Variants in HMCN1 observed in about 807,000 individuals in gnomAD.
HMCN1 encodes the protein hemicentin-1.
In HMCN1, 321 loss-of-function variants were observed where a neutral mutation model predicts 625.9. That is an observed-to-expected ratio of 0.51 (90% CI 0.47 to 0.56). The LOEUF (loss-of-function observed/expected upper bound fraction) is 0.56, where lower values mean the gene tolerates loss of function less well. Among genes scored for constraint, HMCN1 ranks in the 20% least tolerant of loss-of-function variants. HMCN1 has a pLI of 0.00. For missense variants in HMCN1, 6,588 were observed against 6,887.3 expected (o/e 0.96, Z 1.54); for synonymous variants, 2,425 against 2,417.6 (o/e 1.00, Z -0.09).
At position 186,065,271 on chromosome 1, in the gene HMCN1, A is replaced by T. The variant is rs938136692; in HGVS notation, c.7547A>T (p.Asp2516Val). ...GTGCCAGAAATTACATGGCACAAAGATGGGCAGCCCCTCCAAGAAGATGAA... is the reference window on the plus strand; with the variant it reads ...GTGCCAGAAATTACATGGCACAAAGTTGGGCAGCCCCTCCAAGAAGATGAA... Reference protein sequence around the residue: ...NPVPEITWHKDGQPLQEDEAH... With the variant: ...NPVPEITWHKVGQPLQEDEAH... The change falls in exon 49 of 107, where the codon GAT becomes GTT. Residue 2516 changes from aspartate to valine, a missense_variant. This residue lies in a region of HMCN1 where 4,628 missense variants were observed against 4,853.1 expected (regional missense o/e 0.95). Coordinates refer to ENST00000271588, the MANE Select transcript of HMCN1 (RefSeq NM_031935.3). The T allele has an allele frequency of 9.9e-6, 16 of 1,612,516 alleles. No individual in the cohort carries two copies. In the African/African-American group the frequency reaches 1.7e-4, roughly 17 times the overall value.
Position 186,093,204 on chromosome 1 carries a change from G to A in HMCN1, c.9958G>A (p.Val3320Ile). ...ATCTGACACGGGGAAATACACATGTGTTGCTACTAATCCCGCTGGAGAAGA... is the reference window on the plus strand; with the variant it reads ...ATCTGACACGGGGAAATACACATGTATTGCTACTAATCCCGCTGGAGAAGA... ...LTSDTGKYTC[V>I]ATNPAGEEDR... Residue 3320 changes from valine (V) to isoleucine (I), a missense_variant, in exon 65 of 107, where the codon GTT (valine) becomes ATT (isoleucine). Val to Ile is a conservative substitution (Grantham distance 29). This residue lies in a region of HMCN1 where 4,628 missense variants were observed against 4,853.1 expected (regional missense o/e 0.95). Transcript: ENST00000271588. 4 of 1,613,276 alleles carry A rather than the reference G, an allele frequency of 2.5e-6. No individual in the cohort carries two copies. The highest frequency in any genetic ancestry group is 3.4e-6 in the Non-Finnish European group (4 of 1,179,546).
In HMCN1 at chr1:186,145,923, G is replaced by C. The variant is rs746204961; in HGVS notation, c.14608G>C (p.Gly4870Arg). The change falls in exon 93 of 107, where the codon GGT (glycine) becomes CGT (arginine). Residue 4870 changes from glycine to arginine, a missense_variant and splice_region_variant. Physicochemically the swap from Gly to Arg is moderately radical, Grantham distance 125. Coordinates refer to ENST00000271588, the MANE Select transcript of HMCN1 (RefSeq NM_031935.3). Reference protein sequence around the residue: ...VTRCNVQACPGGPQRARGSVI... With the variant: ...VTRCNVQACPRGPQRARGSVI... ...CAGGTGCAATGTACAAGCATGTCCA[G>C]GTAAGCAACTAAATTGGACTTTGGT... 2 of 1,613,712 alleles carry C rather than the reference G, an allele frequency of 1.2e-6. No homozygotes were observed. The highest frequency in any genetic ancestry group is 1.7e-5 in the Admixed American group (1 of 59,964).
chr1:186,023,879 G>T (rs1476970773), intron 36 of HMCN1, among the ~76,000 whole-genome samples: 1 of 152,012 alleles, frequency 6.6e-6, no homozygotes, highest in East Asian at 1.9e-4. Context: ...TAATGTCCTA[G>T]CACCTAGCTT....
At position 186,019,612 on chromosome 1, in the gene HMCN1, T is replaced by C; in HGVS notation, c.5542T>C (p.Cys1848Arg). 4 of 1,611,060 alleles carry C rather than the reference T, an allele frequency of 2.5e-6. No homozygotes were observed. The highest frequency in any genetic ancestry group is 3.4e-6 in the Non-Finnish European group (4 of 1,177,486). The change falls in exon 35 of 107, where the codon TGC (cysteine) becomes CGC (arginine). Residue 1848 changes from cysteine to arginine, a missense_variant. Cys to Arg is a radical substitution (Grantham distance 180). Coordinates refer to ENST00000271588, the MANE Select transcript of HMCN1 (RefSeq NM_031935.3). ...VVKYKPVALQ[C>R]IANGIPNPSI... Reference sequence around the variant, plus strand: ...AAAATACAAGCCTGTCGCCTTGCAGTGCATAGCCAATGGGATTCCAAATCC... The same window carrying C: ...AAAATACAAGCCTGTCGCCTTGCAGCGCATAGCCAATGGGATTCCAAATCC...
intron 48 of HMCN1, among the ~76,000 whole-genome samples, 163 bp from the exon 49 acceptor site, chr1:186,065,075 A>G (rs1308733905): frequency 6.6e-6 from 1 of 152,196 alleles, no homozygotes; most frequent in Non-Finnish European, 1.5e-5. Context: ...CATTATTATT[A>G]TAAAATAAGT....
Position 185,965,798 on chromosome 1 carries a change from T to C in HMCN1, c.2099-4T>C. The C allele has an allele frequency of 6.3e-7, 1 of 1,581,916 alleles. No individual in the cohort carries two copies. The highest frequency in any genetic ancestry group is 8.7e-7 in the Non-Finnish European group (1 of 1,150,850). On this transcript the variant is annotated splice_region_variant and splice_polypyrimidine_tract_variant and intron_variant, in intron 13 of 106. Coordinates refer to ENST00000271588, the MANE Select transcript of HMCN1 (RefSeq NM_031935.3). ...TTGACTATTTGCGTTTTTGTTTTTT[T>C]CAGAAGCCCCTAAGTTGATGGTAGT... is the stretch of plus-strand genomic sequence containing the variant.
In HMCN1 at chr1:186,137,888, A is replaced by C. The variant is rs370093209; in HGVS notation, c.13840A>C (p.Asn4614His). The C allele has an allele frequency of 4.3e-5, 70 of 1,613,998 alleles. No individual in the cohort carries two copies. Among genetic ancestry groups the C allele is most frequent in the Non-Finnish European group, 5.6e-5 (66 of 1,179,996 alleles). The change falls in exon 89 of 107, where the codon AAT (asparagine) becomes CAT (histidine). Residue 4614 changes from asparagine to histidine, a missense_variant. Asn to His is a moderately conservative substitution (Grantham distance 68). Transcript: ENST00000271588. ...CAACCAAACCAGGACCAGGACTTGC[A>C]ATAATCCATCAGTTCAGCATGGTGG... is the stretch of plus-strand genomic sequence containing the variant. The part of the protein sequence containing the change: ...RGNQTRTRTC[N>H]NPSVQHGGRP...
At chr1:185,837,839 C>G (rs1301684805) in intron 1 of HMCN1, among the ~76,000 whole-genome samples, 1 of 152,174 alleles carries the variant, frequency 6.6e-6, no homozygotes, top group Non-Finnish European at 1.5e-5. Context: ...TAGGCACCAT[C>G]TGGGATCAGC....
At chr1:185,998,756 T>C (rs892626273) in intron 25 of HMCN1, among the ~76,000 whole-genome samples, 5 of 152,206 alleles carry the variant, frequency 3.3e-5, no homozygotes, top group African/African-American at 1.2e-4. Context: ...TCTTTTACTA[T>C]GATTTTCATC....
chr1:186,139,801 C>A (rs1649840028), intron 89 of HMCN1, among the ~76,000 whole-genome samples: 2 of 152,030 alleles, frequency 1.3e-5, no homozygotes, highest in Admixed American at 1.3e-4. Context: ...GTATCTATAC[C>A]ACAAAAATTA....
At chr1:185,777,511 G>T in intron 1 of HMCN1, among the ~76,000 whole-genome samples, 1 of 151,980 alleles carries the variant, frequency 6.6e-6, no homozygotes, top group East Asian at 1.9e-4. Context: ...GAGTGCAGTG[G>T]CACGATCTCG....
chr1:186,090,914 T>G lies in HMCN1; in HGVS notation c.9884T>G (p.Ile3295Ser), dbSNP rs747661830. ...KPIASGETER[I>S]RVSANGSTLN... Reference sequence around the variant, plus strand: ...ATAGCTAGTGGTGAAACAGAAAGAATCCGGTATGTTTAAAAATAATCTTTC... The same window carrying G: ...ATAGCTAGTGGTGAAACAGAAAGAAGCCGGTATGTTTAAAAATAATCTTTC... Residue 3295 changes from isoleucine (I) to serine (S), a missense_variant, in exon 64 of 107, where the codon ATC becomes AGC. Around this residue, in one of 3 missense-constraint regions of HMCN1, gnomAD observed 4,628 missense variants for 4,853.1 expected, o/e 0.95. Coordinates refer to ENST00000271588, the MANE Select transcript of HMCN1 (RefSeq NM_031935.3). The G allele has an allele frequency of 2.5e-6, 4 of 1,611,494 alleles. No homozygotes were observed. In the East Asian group the frequency reaches 8.9e-5, roughly 36 times the overall value.
chr1:186,088,386 G>C, intron 62 of HMCN1, 110 bp downstream of exon 62: 1 of 1,535,782 alleles, frequency 6.5e-7, no homozygotes, highest in Non-Finnish European at 8.9e-7. Flanking sequence ...GGGGTGTTTA[G>C]TTCAAGAAGG....
chr1:186,172,312 C>T (rs531927058), intron 102 of HMCN1, among the ~76,000 whole-genome samples, 181 bp downstream of exon 102: 3 of 152,230 alleles, frequency 2.0e-5, no homozygotes, highest in South Asian at 2.1e-4. Context: ...TGGCTGTACC[C>T]GGAAATGGAA....
chr1:185,981,143 T>G, intron 17 of HMCN1, 70 bp downstream of exon 17: 8 of 932,384 alleles, frequency 8.6e-6, no homozygotes, highest in Non-Finnish European at 1.3e-5. Context: ...ATGTCATCTC[T>G]TGCCTGTGCC....
At chr1:185,759,717 T>A (rs1235349407) in intron 1 of HMCN1, among the ~76,000 whole-genome samples, 2 of 152,206 alleles carry the variant, frequency 1.3e-5, no homozygotes, top group African/African-American at 4.8e-5. Flanking sequence ...ACTTTTTTTT[T>A]TAATGAACTG....
chr1:186,130,039 T>C lies in HMCN1; in HGVS notation c.12978T>C (p.Tyr4326=), dbSNP rs544372135. 3.1e-6 allele frequency: 5 copies of C among 1,613,344 alleles called. No homozygotes were observed. Among genetic ancestry groups the C allele is most frequent in the East Asian group, 4.5e-5 (2 of 44,864 alleles). The change falls in exon 84 of 107, where the codon TAT becomes TAC. Residue 4326 remains tyrosine (Y), a synonymous_variant. Transcript: ENST00000271588. The stretch of plus-strand genomic sequence containing the variant: ...TGTCAAAAGAGGATTCAGGTACTTA[T>C]GTGTGCACCGCAGAGAACAGCGTTG... ...ERVSKEDSGT[Y]VCTAENSVGF...
chr1:186,102,442 A>T (rs1370153845), intron 68 of HMCN1, among the ~76,000 whole-genome samples: 1 of 152,128 alleles, frequency 6.6e-6, no homozygotes, highest in Non-Finnish European at 1.5e-5. Flanking sequence ...TAAGTTTTTT[A>T]AAACCTTTAA....
At chr1:185,975,848 A>G (rs1193834081) in intron 15 of HMCN1, among the ~76,000 whole-genome samples, 6 of 151,998 alleles carry the variant, frequency 3.9e-5, no homozygotes, top group African/African-American at 1.4e-4. Context: ...TGAAAGTTCA[A>G]TGTACTGGGT....
Sources: gnomAD v4.1 joint callset for allele counts (sites outside exome capture counted in the v4.1 genomes callset) on GRCh38, gnomAD v4.1.1 for gene constraint, gnomAD v4.1.1 regional missense constraint, MANE v1.5 for transcripts, NCBI Gene and HGNC (gene_info 2026-07-23, HGNC 2026-07-21) for gene names.